PTDSS1: variants seen among roughly 807,000 people sequenced by gnomAD.
PTDSS1 encodes the protein phosphatidylserine synthase 1.
PTDSS1 carries 45 observed loss-of-function variants against 70.5 expected under a neutral mutation model. The ratio of observed to expected loss-of-function variants is 0.64; its 90% CI spans 0.50 to 0.82. The LOEUF is 0.82. Among genes scored for constraint, PTDSS1 ranks in the 40% least tolerant of loss-of-function variants. The pLI is 0.00. For synonymous variants in PTDSS1, 188 were observed against 203.8 expected (o/e 0.92, Z 0.66); for missense variants, 417 against 586.1 (o/e 0.71, Z 2.98).
intron 4 of PTDSS1, among the ~76,000 whole-genome samples, chr8:96,288,695 T>G (rs1810860105): frequency 6.9e-6 from 1 of 144,600 alleles, no homozygotes; most frequent in Non-Finnish European, 1.5e-5. Context: ...AGTGGTGTGA[T>G]CTCAGCTCAC....
chr8:96,310,966 A>G (rs1342217188), intron 9 of PTDSS1, among the ~76,000 whole-genome samples: 2 of 152,050 alleles, frequency 1.3e-5, no homozygotes, highest in African/African-American at 2.4e-5. Context: ...GGGTTTCACC[A>G]TGTTGGCCAG....
At chr8:96,291,127 C>T (rs1295708983) in intron 4 of PTDSS1, among the ~76,000 whole-genome samples, 1 of 152,038 alleles carries the variant, frequency 6.6e-6, no homozygotes, top group Non-Finnish European at 1.5e-5. Flanking sequence ...TTTTCTTCTG[C>T]ATAAGACACC....
At chr8:96,289,056 T>C (rs930872398) in intron 4 of PTDSS1, among the ~76,000 whole-genome samples, 8 of 151,974 alleles carry the variant, frequency 5.3e-5, no homozygotes, top group African/African-American at 1.9e-4. Context: ...TGCCTCAGCC[T>C]CCCAAATAGC....
intron 10 of PTDSS1, among the ~76,000 whole-genome samples, chr8:96,322,854 A>G (rs1811391420): frequency 6.6e-6 from 1 of 152,172 alleles, no homozygotes; most frequent in African/African-American, 2.4e-5. Context: ...TTTCTGGCCT[A>G]TACCTTCCAG....
At position 96,330,273 on chromosome 8, in the gene PTDSS1, C is replaced by G. The variant is rs1295602847; in HGVS notation, c.1234C>G (p.Arg412Gly). 1.2e-6 allele frequency: 2 copies of G among 1,610,188 alleles called. No individual in the cohort carries two copies. Among genetic ancestry groups the G allele is most frequent in the Middle Eastern group, 1.6e-4 (1 of 6,084 alleles). The change falls in exon 11 of 13, where the codon CGA (arginine) becomes GGA (glycine). Residue 412 changes from arginine (R) to glycine (G), a missense_variant. Arg to Gly is a moderately radical substitution (Grantham distance 125). Transcript: ENST00000517309. ...TTGGTATGCAGAACACTATGGTCAC[C>G]GAGAAAAGGTATGGAAGGAGAGGCA... ...MIWYAEHYGH[R>G]EKTYSECEDG...
chr8:96,320,209 T>C (rs755644758), intron 9 of PTDSS1, 37 bp from the exon 10 acceptor site: 9 of 1,507,312 alleles, frequency 6.0e-6, no homozygotes, highest in Admixed American at 5.1e-5. Context: ...TCTGGTAAGA[T>C]GGATTAATAC....
chr8:96,333,373 C>T (rs187940133), intron 12 of PTDSS1, 84 bp from the exon 13 acceptor site: 10 of 1,243,474 alleles, frequency 8.0e-6, no homozygotes, highest in Middle Eastern at 2.0e-4. Flanking sequence ...ACCTGTTCCC[C>T]GGCAAGCCTA....
chr8:96,287,087 T>C lies in PTDSS1; in HGVS notation c.382T>C (p.Ser128Pro). The change falls in exon 4 of 13, where the codon TCT (serine) becomes CCT (proline). Residue 128 changes from serine (S) to proline (P), a missense_variant. Around this residue, in one of 3 missense-constraint regions of PTDSS1, gnomAD observed 272 missense variants for 429.5 expected, o/e 0.63. Coordinates refer to ENST00000517309, the MANE Select transcript of PTDSS1 (RefSeq NM_014754.3). ...CTTCCTGAATTTCGAGCAGGTTAAATCTCTAATGTATTGGCTAGATCCAAA... is the reference window on the plus strand; with the variant it reads ...CTTCCTGAATTTCGAGCAGGTTAAACCTCTAATGTATTGGCTAGATCCAAA... ...LLFLNFEQVK[S>P]LMYWLDPNLR... 6.2e-7 allele frequency: 1 copy of C among 1,614,074 alleles called. No individual in the cohort carries two copies. The highest frequency in any genetic ancestry group is 1.1e-5 in the South Asian group (1 of 91,074).
intron 9 of PTDSS1, among the ~76,000 whole-genome samples, chr8:96,314,116 C>T (rs1284832573): frequency 1.3e-5 from 2 of 151,914 alleles, no homozygotes; most frequent in African/African-American, 4.8e-5. Context: ...GTGATCACAG[C>T]TCACTGCAGC....
chr8:96,322,452 C>A (rs1464192140), intron 10 of PTDSS1, among the ~76,000 whole-genome samples: 1 of 152,000 alleles, frequency 6.6e-6, no homozygotes, highest in Non-Finnish European at 1.5e-5. Context: ...CCGGACTTAC[C>A]CTTCTTATCA....
intron 9 of PTDSS1, among the ~76,000 whole-genome samples, chr8:96,316,026 G>A (rs1311289552): frequency 2.0e-5 from 3 of 152,150 alleles, no homozygotes; most frequent in African/African-American, 7.2e-5. Context: ...TTTGAGTCTT[G>A]GTAGAAAAGT....
Position 96,335,798 on chromosome 8 carries a change from T to C in PTDSS1, c.*2232T>C, listed in dbSNP as rs1432342952. 6.6e-6 allele frequency: 1 copy of C among 152,222 alleles called. No homozygotes were observed. Among genetic ancestry groups the C allele is most frequent in the Non-Finnish European group, 1.5e-5 (1 of 68,036 alleles). 9.4% of individuals were successfully genotyped at this position (152,222 alleles called of 1,614,324 possible). On this transcript the variant is annotated 3_prime_UTR_variant, in exon 13 of 13. Coordinates refer to ENST00000517309, the MANE Select transcript of PTDSS1 (RefSeq NM_014754.3). ...AGCCATACTGCTGGGTTTGGCCTAC[T>C]TTTTTCACCGTTTCTATGGAAATAA... is the stretch of plus-strand genomic sequence containing the variant.
At chr8:96,276,590 A>T (rs1810644490) in intron 2 of PTDSS1, among the ~76,000 whole-genome samples, 1 of 152,180 alleles carries the variant, frequency 6.6e-6, no homozygotes, top group Non-Finnish European at 1.5e-5. Flanking sequence ...CTTTGATGTC[A>T]GCCTGTTCGC....
At chr8:96,294,860 T>C (rs948889749) in intron 4 of PTDSS1, among the ~76,000 whole-genome samples, 11 of 152,240 alleles carry the variant, frequency 7.2e-5, no homozygotes, top group Non-Finnish European at 1.6e-4. Flanking sequence ...TAAAATTATT[T>C]TGCTTCTCAT....
chr8:96,283,313 AC>A (rs1445881335), intron 2 of PTDSS1, among the ~76,000 whole-genome samples: 1 of 152,216 alleles, frequency 6.6e-6, no homozygotes, highest in Non-Finnish European at 1.5e-5. Flanking sequence ...GCGTGGGTAG[AC>A]CTGCATAGAA....
chr8:96,323,056 C>T (rs538103635), intron 10 of PTDSS1, among the ~76,000 whole-genome samples: 2 of 152,360 alleles, frequency 1.3e-5, no homozygotes, highest in South Asian at 4.1e-4. Flanking sequence ...CAAGTAAGTA[C>T]AGAACCCAAC....
At chr8:96,285,486 A>G (rs182959615) in intron 3 of PTDSS1, among the ~76,000 whole-genome samples, 3 of 152,328 alleles carry the variant, frequency 2.0e-5, no homozygotes, top group East Asian at 3.9e-4. Context: ...TACATTTTCA[A>G]AAAGATAGTC....
chr8:96,313,927 G>A (rs1811247561), intron 9 of PTDSS1, among the ~76,000 whole-genome samples: 1 of 152,122 alleles, frequency 6.6e-6, no homozygotes, highest in Non-Finnish European at 1.5e-5. Flanking sequence ...TCACTTTTCT[G>A]TTTTCAGTTC....
intron 10 of PTDSS1, among the ~76,000 whole-genome samples, chr8:96,327,538 A>G (rs554348920): frequency 4.6e-5 from 7 of 152,296 alleles, no homozygotes; most frequent in Admixed American, 2.6e-4. Context: ...GGCGAACATT[A>G]TTCAATAAGA....
Sources: allele counts gnomAD v4.1 joint callset (sites outside exome capture counted in the v4.1 genomes callset), GRCh38; gene constraint gnomAD v4.1.1; regional missense constraint gnomAD v4.1.1; transcripts MANE v1.5; gene names NCBI Gene and HGNC (gene_info 2026-07-23, HGNC 2026-07-21).